FAM135B: variants seen among roughly 807,000 people sequenced by gnomAD.
The protein encoded by FAM135B is protein FAM135B.
Under a neutral mutation model 127.7 loss-of-function variants are expected in FAM135B, and 43 were observed. The ratio of observed to expected loss-of-function variants is 0.34; its 90% confidence interval spans 0.26 to 0.43. The LOEUF (loss-of-function observed/expected upper bound fraction) is 0.43, where lower values mean the gene tolerates loss of function less well. FAM135B is among the 20% of genes least tolerant of loss of function. FAM135B has a pLI of 1.00. For missense variants in FAM135B, 1,558 were observed against 1,725.6 expected, an observed-to-expected ratio of 0.90 and a Z score of 1.72; for synonymous variants, 670 against 665.1, an observed-to-expected ratio of 1.01 and a Z score of -0.11.
chr8:138,417,316 G>C (rs1326753556), intron 1 of FAM135B, among the ~76,000 whole-genome samples: 2 of 152,166 alleles, frequency 1.3e-5, no homozygotes, highest in Non-Finnish European at 2.9e-5. Context: ...CCTGCCAGTG[G>C]CCTGCACCAT....
At chr8:138,462,836 C>A (rs1418009391) in intron 1 of FAM135B, among the ~76,000 whole-genome samples, 2 of 152,104 alleles carry the variant, frequency 1.3e-5, no homozygotes, top group Non-Finnish European at 2.9e-5. Flanking sequence ...GAAGCTGGGT[C>A]CAGATTTGGG....
intron 6 of FAM135B, among the ~76,000 whole-genome samples, chr8:138,247,169 A>G (rs1586877543): frequency 1.3e-5 from 2 of 152,214 alleles, no homozygotes; most frequent in Admixed American, 6.5e-5. Context: ...TTTTGGGTTA[A>G]TGCTGGAATG....
chr8:138,415,614 T>A (rs1419547556), intron 1 of FAM135B, among the ~76,000 whole-genome samples: 1 of 152,062 alleles, frequency 6.6e-6, no homozygotes. Context: ...TCTTTCCATT[T>A]CCCATGAAGC....
rs1818130009 is a variant in FAM135B at position 138,151,400 on chromosome 8, C to T, written c.3075G>A (p.Leu1025=). ...ATAAGTTCACAACCTCCACAGCCTTCAGGCTGTCCAGAGTAAAGGTCTCTG... is the reference window on the plus strand; with the variant it reads ...ATAAGTTCACAACCTCCACAGCCTTTAGGCTGTCCAGAGTAAAGGTCTCTG... The part of the protein sequence containing the change: ...TSAETFTLDS[L]KAVEVVNLSV... The change falls in exon 13 of 20, where the codon CTG becomes CTA. Residue 1025 remains leucine, a synonymous_variant. Coordinates refer to ENST00000395297, the MANE Select transcript of FAM135B (RefSeq NM_015912.4). 2 of 1,613,736 alleles carry T rather than the reference C, an allele frequency of 1.2e-6. No individual in the cohort carries two copies. The highest frequency in any genetic ancestry group is 8.5e-7 in the Non-Finnish European group (1 of 1,179,888).
chr8:138,351,936 C>T (rs140079047), intron 2 of FAM135B, among the ~76,000 whole-genome samples: 62 of 152,200 alleles, frequency 4.1e-4, no homozygotes, highest in African/African-American at 1.3e-3. Flanking sequence ...GTGATCTGTC[C>T]GCCTCGGCCT....
intron 1 of FAM135B, among the ~76,000 whole-genome samples, chr8:138,472,106 A>C (rs1015812419): frequency 3.9e-5 from 6 of 152,178 alleles, no homozygotes; most frequent in African/African-American, 7.2e-5. Context: ...CAACCTTGTC[A>C]AGACTGGGTG....
rs547399794 is a variant in FAM135B, at chr8:138,410,838, G to A, written c.-19-42836C>T. ...ACCAAAAACATACGTGTACTTATAC[G>A]CCAACAACAGACAAACAGAGAGCCA... On this transcript the variant is annotated intron_variant, in intron 1 of 19. Coordinates refer to ENST00000395297, the MANE Select transcript of FAM135B (RefSeq NM_015912.4). Among the ~76,000 whole-genome samples, 22 of 152,048 alleles carry A rather than the reference G, an allele frequency of 1.4e-4. No individual in the cohort carries two copies. In the Middle Eastern group the frequency reaches 0.01, roughly 71 times the overall value.
chr8:138,194,341 C>T (rs1482623433), intron 9 of FAM135B, among the ~76,000 whole-genome samples: 1 of 152,218 alleles, frequency 6.6e-6, no homozygotes, highest in African/African-American at 2.4e-5. Context: ...GGGATCTCCT[C>T]TGCATTCACT....
intron 1 of FAM135B, among the ~76,000 whole-genome samples, chr8:138,391,540 A>G (rs1233085250): frequency 6.6e-6 from 1 of 152,012 alleles, no homozygotes; most frequent in Non-Finnish European, 1.5e-5. Context: ...TTCAACCTGC[A>G]AGCACCTACT....
chr8:138,351,086 T>C (rs1418781950), intron 2 of FAM135B, among the ~76,000 whole-genome samples: 2 of 152,292 alleles, frequency 1.3e-5, no homozygotes, highest in Admixed American at 6.5e-5. Context: ...AAAATTTTGT[T>C]ACTTCACATA....
chr8:138,181,174 G>A (rs890749226), intron 9 of FAM135B, among the ~76,000 whole-genome samples: 2 of 152,174 alleles, frequency 1.3e-5, no homozygotes, highest in Non-Finnish European at 2.9e-5. Context: ...CTGGGAAGCA[G>A]AGGTTGCAGT....
intron 2 of FAM135B, among the ~76,000 whole-genome samples, chr8:138,328,351 T>C (rs1337990671): frequency 2.6e-5 from 4 of 152,236 alleles, no homozygotes; most frequent in African/African-American, 9.6e-5. Context: ...GCATTTAACC[T>C]ATTTATGCCT....
At position 138,151,309 on chromosome 8, in the gene FAM135B, C is replaced by T. The variant is rs1317050635; in HGVS notation, c.3166G>A (p.Gly1056Arg). 6.2e-7 allele frequency: 1 copy of T among 1,613,874 alleles called. No individual in the cohort carries two copies. The highest frequency in any genetic ancestry group is 8.5e-7 in the Non-Finnish European group (1 of 1,180,000). The change falls in exon 13 of 20, where the codon GGA becomes AGA. Residue 1056 changes from glycine to arginine, a missense_variant. By Grantham distance (125) the Gly-to-Arg change is moderately radical (BLOSUM62 -2). Around this residue, in one of 5 missense-constraint regions of FAM135B, gnomAD observed 923 missense variants for 865.3 expected, o/e 1.07. Coordinates refer to ENST00000395297, the MANE Select transcript of FAM135B (RefSeq NM_015912.4). The stretch of plus-strand genomic sequence containing the variant: ...AACAGGGTCTGTTTGGAAGAGAATC[C>T]AGCCCTGGCAGGGGTCTCCTTGGGC... ...SVPKETPARAGFSSKQTLFPI... is the reference protein window; with the variant it reads ...SVPKETPARARFSSKQTLFPI...
chr8:138,403,411 G>C (rs1237664320), intron 1 of FAM135B, among the ~76,000 whole-genome samples: 2 of 152,088 alleles, frequency 1.3e-5, no homozygotes, highest in Non-Finnish European at 1.5e-5. Context: ...TCTATTGGGA[G>C]GGTTCATTCA....
intron 1 of FAM135B, among the ~76,000 whole-genome samples, chr8:138,455,726 G>A (rs1836739414): frequency 6.6e-6 from 1 of 152,092 alleles, no homozygotes; most frequent in Admixed American, 6.5e-5. Context: ...CAGATGGATG[G>A]GTGAATAAAC....
intron 2 of FAM135B, among the ~76,000 whole-genome samples, chr8:138,356,710 T>A (rs1166551230): frequency 6.6e-6 from 1 of 152,102 alleles, no homozygotes; most frequent in African/African-American, 2.4e-5. Flanking sequence ...TGTCTTCCGT[T>A]TTTCCAAAAG....
At chr8:138,137,409 G>A (rs940238969) in intron 18 of FAM135B, 149 bp from the exon 19 acceptor site, 61 of 635,776 alleles carry the variant, frequency 9.6e-5, no homozygotes, top group Non-Finnish European at 1.6e-4. Context: ...AGGACATTCT[G>A]TCCTGAGGTT....
intron 1 of FAM135B, among the ~76,000 whole-genome samples, chr8:138,377,650 T>C (rs74340639): frequency 0.044 from 6,663 of 152,226 alleles, 408 homozygotes; most frequent in African/African-American, 0.14. Flanking sequence ...CTAATAACAA[T>C]GAAATTTCAA....
intron 9 of FAM135B, 119 bp downstream of exon 9, chr8:138,195,139 T>C: frequency 8.2e-6 from 7 of 851,640 alleles, no homozygotes; most frequent in East Asian, 4.9e-5. Flanking sequence ...GCTTGGTATC[T>C]AGAGTGAAGT....
Sources: allele counts gnomAD v4.1 joint callset (sites outside exome capture counted in the v4.1 genomes callset), GRCh38; gene constraint gnomAD v4.1.1; regional missense constraint gnomAD v4.1.1; transcripts MANE v1.5; gene names NCBI Gene and HGNC (gene_info 2026-07-23, HGNC 2026-07-21).